Variants in NFYC observed in about 807,000 individuals in gnomAD.
NFYC encodes CAAT box DNA-binding protein subunit C.
NFYC carries 25 observed loss-of-function variants against 53.1 expected under a neutral mutation model. The ratio of observed to expected loss-of-function variants is 0.47; its 90% CI spans 0.34 to 0.66. The LOEUF (loss-of-function observed/expected upper bound fraction) is 0.66, where lower values mean the gene tolerates loss of function less well. NFYC is among the 30% of genes least tolerant of loss of function. The probability of loss-of-function intolerance (pLI) is 0.01; values close to 1 mark genes in which losing one functional copy is unlikely to be tolerated. For missense variants in NFYC, 260 were observed against 422.7 expected (o/e 0.62, Z 3.38); for synonymous variants, 145 against 152.6 (o/e 0.95, Z 0.37).
At chr1:40,725,544 G>A (rs1464147125) in intron 1 of NFYC, among the ~76,000 whole-genome samples, 1 of 152,164 alleles carries the variant, frequency 6.6e-6, no homozygotes, top group African/African-American at 2.4e-5. Flanking sequence ...ATCGATAATA[G>A]CATAAGTCCT....
chr1:40,694,730 A>G (rs1643032367), intron 1 of NFYC, among the ~76,000 whole-genome samples: 1 of 151,680 alleles, frequency 6.6e-6, no homozygotes, highest in Non-Finnish European at 1.5e-5. Context: ...AGCCCCTTAT[A>G]CCCATGGCCA....
Position 40,747,517 on chromosome 1 carries a change from CTT to C in NFYC, c.106-16_106-15del. 6.3e-7 allele frequency: 1 copy of C among 1,597,396 alleles called. No individual in the cohort carries two copies. Among genetic ancestry groups the C allele is most frequent in the Non-Finnish European group, 8.6e-7 (1 of 1,165,154 alleles). The stretch of plus-strand genomic sequence containing the variant: ...GATTGTCCCCACCATTTATGCATCT[CTT>C]GTTGTTCATTTCAGAAAGACTTCCG... On this transcript the variant is annotated splice_polypyrimidine_tract_variant and intron_variant, in intron 2 of 9. Coordinates refer to ENST00000447388, the MANE Select transcript of NFYC (RefSeq NM_014223.5).
chr1:40,740,283 C>G (rs1487472773), intron 2 of NFYC, among the ~76,000 whole-genome samples: 2 of 152,128 alleles, frequency 1.3e-5, no homozygotes, highest in African/African-American at 4.8e-5. Flanking sequence ...ATTCACTCAA[C>G]AAATACTTAT....
chr1:40,732,265 T>C (rs1644809813), intron 1 of NFYC, among the ~76,000 whole-genome samples: 2 of 152,230 alleles, frequency 1.3e-5, no homozygotes, highest in African/African-American at 4.8e-5. Context: ...AACTGAAGTC[T>C]AAAGGTCCTG....
intron 5 of NFYC, among the ~76,000 whole-genome samples, chr1:40,753,825 GCAGT>G (rs1373313023): frequency 6.6e-6 from 1 of 152,176 alleles, no homozygotes; most frequent in African/African-American, 2.4e-5. Flanking sequence ...CTTTTAATGT[GCAGT>G]CAGATTTGAG....
chr1:40,714,977 G>A (rs1036817323), intron 1 of NFYC, among the ~76,000 whole-genome samples: 1 of 152,152 alleles, frequency 6.6e-6, no homozygotes, highest in Non-Finnish European at 1.5e-5. Flanking sequence ...CTACTCGGCA[G>A]GCTGAGGCAG....
intron 1 of NFYC, chr1:40,692,094 C>T (rs895682176): frequency 5.1e-6 from 1 of 196,990 alleles, no homozygotes; most frequent in Non-Finnish European, 1.1e-5. Context: ...CGCGGGCTTT[C>T]TCCCATTGGC....
chr1:40,756,828 C>T (rs548084469), intron 5 of NFYC, among the ~76,000 whole-genome samples: 4 of 152,288 alleles, frequency 2.6e-5, no homozygotes, highest in African/African-American at 7.2e-5. Context: ...CCTGGGAACG[C>T]GGGGGATAGC....
chr1:40,746,466 T>C (rs961161731), intron 2 of NFYC, among the ~76,000 whole-genome samples: 10 of 152,252 alleles, frequency 6.6e-5, no homozygotes, highest in Non-Finnish European at 1.0e-4. Flanking sequence ...AGTTCACTTA[T>C]GCTTGTTAAT....
intron 1 of NFYC, among the ~76,000 whole-genome samples, chr1:40,732,989 GCCAAGCTTT>G (rs1289536842): frequency 1.4e-5 from 2 of 147,056 alleles, no homozygotes; most frequent in African/African-American, 5.1e-5. Flanking sequence ...GTATGTCAGG[GCCAAGCTTT>G]CCAAGATTCG....
chr1:40,733,031 T>TTC (rs1644850120), intron 1 of NFYC, among the ~76,000 whole-genome samples: 1 of 137,122 alleles, frequency 7.3e-6, no homozygotes, highest in African/African-American at 2.7e-5. Context: ...TTTTTTTTTT[T>TTC]CCTGAAAGGC....
At chr1:40,767,815 A>T (rs941062889) in intron 8 of NFYC, among the ~76,000 whole-genome samples, 2 of 152,102 alleles carry the variant, frequency 1.3e-5, no homozygotes, top group African/African-American at 4.8e-5. Flanking sequence ...CGTTTCCACT[A>T]AAAATACAAA....
chr1:40,747,732 T>C, intron 3 of NFYC, 127 bp downstream of exon 3: 2 of 682,300 alleles, frequency 2.9e-6, no homozygotes. Flanking sequence ...GTTGCTTTGT[T>C]ATTTGGTTCC....
intron 2 of NFYC, among the ~76,000 whole-genome samples, chr1:40,741,335 G>A (rs1557844694): frequency 6.6e-6 from 1 of 152,270 alleles, no homozygotes. Context: ...TAGGGTTTGT[G>A]TTATATTATT....
intron 1 of NFYC, among the ~76,000 whole-genome samples, chr1:40,726,810 A>G (rs1644539548): frequency 1.3e-5 from 2 of 152,204 alleles, no homozygotes; most frequent in Admixed American, 1.3e-4. Flanking sequence ...TTTCTGTTTG[A>G]TAGCATTTTA....
chr1:40,748,927 T>G (rs530928344), intron 3 of NFYC, among the ~76,000 whole-genome samples: 4 of 152,312 alleles, frequency 2.6e-5, no homozygotes, highest in Admixed American at 2.0e-4. Flanking sequence ...ATCTGCTGCT[T>G]CTTTAACTCC....
chr1:40,698,814 C>A (rs539405594), intron 1 of NFYC, among the ~76,000 whole-genome samples: 1 of 152,280 alleles, frequency 6.6e-6, no homozygotes, highest in African/African-American at 2.4e-5. Context: ...TAAATACATT[C>A]ATGAGTATGA....
At chr1:40,754,749 C>T (rs1005941621) in intron 5 of NFYC, among the ~76,000 whole-genome samples, 17 of 152,126 alleles carry the variant, frequency 1.1e-4, no homozygotes, top group African/African-American at 4.1e-4. Context: ...AATACACTGG[C>T]TGGAGAGAAG....
intron 6 of NFYC, among the ~76,000 whole-genome samples, chr1:40,762,065 G>A (rs1570716812): frequency 2.0e-5 from 3 of 152,110 alleles, no homozygotes; most frequent in South Asian, 2.1e-4. Flanking sequence ...TGTCTTTACC[G>A]TCTCAAAAGA....
Sources: allele counts gnomAD v4.1 joint callset (sites outside exome capture counted in the v4.1 genomes callset), GRCh38; gene constraint gnomAD v4.1.1; transcripts MANE v1.5; gene names NCBI Gene and HGNC (gene_info 2026-07-23, HGNC 2026-07-21).